The following MTR variants were observed in gnomAD, a reference collection of about 807,000 sequenced individuals.
MTR encodes methionine synthase.
In MTR, 84 loss-of-function variants were observed where a neutral mutation model predicts 154.8. That is an observed-to-expected ratio of 0.54 (90% confidence interval 0.45 to 0.65). The LOEUF is 0.65. Among genes scored for constraint, MTR ranks in the 30% least tolerant of loss-of-function variants. The pLI, the probability that MTR is intolerant of heterozygous loss-of-function variation, is 0.00. For synonymous variants in MTR, 554 were observed against 553.9 expected (o/e 1.00, Z 0.00); for missense variants, 1,275 against 1,570.2 (o/e 0.81, Z 3.18).
chr1:236,795,379 G>C lies in MTR; in HGVS notation c.-325G>C, dbSNP rs762702665. ...GTCCTCCTCTGCCGGTTTTCTCTTGGGTCCTTTTCCGTGCCGTCCCGCGAC... is the reference window on the plus strand; with the variant it reads ...GTCCTCCTCTGCCGGTTTTCTCTTGCGTCCTTTTCCGTGCCGTCCCGCGAC... On this transcript the variant is annotated 5_prime_UTR_variant, in exon 1 of 33. Coordinates refer to ENST00000366577, the MANE Select transcript of MTR (RefSeq NM_000254.3). 24 of 1,395,772 alleles carry C rather than the reference G, an allele frequency of 1.7e-5. No homozygotes were observed. In the South Asian group the frequency reaches 2.8e-4, roughly 16 times the overall value. 86.5% of individuals were successfully genotyped at this position (1,395,772 alleles called of 1,614,324 possible). A position where few individuals can be genotyped will look rare whatever the true frequency, so the allele number is the denominator to read the frequency against.
At chr1:236,886,261 G>C (rs910679780) in intron 26 of MTR, 31 bp from the exon 27 acceptor site, 3 of 1,586,738 alleles carry the variant, frequency 1.9e-6, no homozygotes, top group African/African-American at 2.7e-5. Context: ...AGCTAAGAGT[G>C]TCTAACTAAT....
In MTR at chr1:236,836,984, C is replaced by T. The variant is rs546759542; in HGVS notation, c.1329+1297C>T. On this transcript the variant is annotated intron_variant, in intron 14 of 32. Coordinates refer to ENST00000366577, the MANE Select transcript of MTR (RefSeq NM_000254.3). ...AAGTGCTTTATCAACTGTGAAGGAC[C>T]CCATGTAACTCAATACATTATTAGT... 3.9e-5 allele frequency among the ~76,000 whole-genome samples: 6 copies of T among 152,216 alleles called. No homozygotes were observed. In the South Asian group the frequency reaches 1.0e-3, roughly 26 times the overall value.
chr1:236,850,297 T>C (rs746217327), intron 15 of MTR, 47 bp from the exon 16 acceptor site: 17 of 1,320,866 alleles, frequency 1.3e-5, no homozygotes, highest in Admixed American at 2.0e-5. Flanking sequence ...AATATTTTAA[T>C]AGATAATTTT....
chr1:236,861,097 CTTTTTTTTT>C lies in MTR; in HGVS notation c.2044-20_2044-12del, dbSNP rs397974349. On this transcript the variant is annotated intron_variant, in intron 19 of 32. Coordinates refer to ENST00000366577, the MANE Select transcript of MTR (RefSeq NM_000254.3). ...ATTTTTTTTTTCTTTCTTTCTTTTT[CTTTTTTTTT>C]TTTTTTTGTCTTTTTTAGGGCATTG... is the stretch of plus-strand genomic sequence containing the variant. 30 of 1,159,708 alleles carry C rather than the reference CTTTTTTTTT, an allele frequency of 2.6e-5. No homozygotes were observed. The African/African-American group carries it at 4.9e-4, about 19-fold the overall frequency. 71.8% of individuals were successfully genotyped at this position (1,159,708 alleles called of 1,614,324 possible).
chr1:236,880,916 T>C, intron 25 of MTR, 80 bp downstream of exon 25: 2 of 1,337,106 alleles, frequency 1.5e-6, no homozygotes, highest in Admixed American at 3.5e-5. Context: ...TAAGATCTAT[T>C]CATTTTTATT....
At chr1:236,880,979 T>A in intron 25 of MTR, 143 bp downstream of exon 25, 3 of 823,410 alleles carry the variant, frequency 3.6e-6, no homozygotes, top group Non-Finnish European at 6.2e-6. Flanking sequence ...GGTGTGCCTC[T>A]GCAGTGACTG....
intron 24 of MTR, among the ~76,000 whole-genome samples, chr1:236,880,372 CT>C (rs1325342710): frequency 1.3e-5 from 2 of 152,108 alleles, no homozygotes; most frequent in African/African-American, 4.8e-5. Context: ...GCCCTGGCTG[CT>C]GTCCCAGCTC....
intron 25 of MTR, among the ~76,000 whole-genome samples, chr1:236,884,384 A>G (rs1665907181): frequency 2.0e-5 from 3 of 152,206 alleles, no homozygotes; most frequent in Admixed American, 6.5e-5. Context: ...GAGTTTCTTA[A>G]CCCAGAGGGT....
chr1:236,813,108 G>A (rs1444463846), intron 6 of MTR, among the ~76,000 whole-genome samples: 2 of 152,094 alleles, frequency 1.3e-5, no homozygotes, highest in East Asian at 1.9e-4. Context: ...ATATCCTGAG[G>A]TAATACATGC....
Position 236,897,589 on chromosome 1 carries a change from C to A in MTR, c.3743C>A (p.Ser1248Tyr), listed in dbSNP as rs1666735696. Reference sequence around the variant, plus strand: ...GATTATGCATTGAGGAAGAACATATCTGTGGCTGAGGTTGAGAAATGGCTT... The same window carrying A: ...GATTATGCATTGAGGAAGAACATATATGTGGCTGAGGTTGAGAAATGGCTT... ...VEDYALRKNI[S>Y]VAEVEKWLGP... The change falls in exon 33 of 33, where the codon TCT (serine) becomes TAT (tyrosine). Residue 1248 changes from serine to tyrosine, a missense_variant. Physicochemically the swap from Ser to Tyr is moderately radical, Grantham distance 144 (BLOSUM62 -2). Transcript: ENST00000366577. 6.2e-7 allele frequency: 1 copy of A among 1,613,278 alleles called. No homozygotes were observed. The highest frequency in any genetic ancestry group is 8.5e-7 in the Non-Finnish European group (1 of 1,179,908).
chr1:236,796,602 G>A (rs1052684760), intron 1 of MTR, among the ~76,000 whole-genome samples: 1 of 151,176 alleles, frequency 6.6e-6, no homozygotes, highest in African/African-American at 2.5e-5. Context: ...GTTAACCGGT[G>A]ACTCTCTTGA....
intron 19 of MTR, among the ~76,000 whole-genome samples, chr1:236,860,153 A>G (rs1423018278): frequency 3.0e-5 from 4 of 134,540 alleles, no homozygotes; most frequent in Non-Finnish European, 4.6e-5. Flanking sequence ...CCTGGGAGGT[A>G]TTACTGGCAT....
intron 24 of MTR, among the ~76,000 whole-genome samples, chr1:236,879,989 T>TG (rs1558333919): frequency 6.9e-6 from 1 of 144,986 alleles, no homozygotes; most frequent in Non-Finnish European, 1.5e-5. Context: ...CCATCTCTAC[T>TG]AAAAAAAAAA....
At chr1:236,811,534 A>G in intron 5 of MTR, 1 of 452,574 alleles carries the variant, frequency 2.2e-6, no homozygotes, top group South Asian at 1.6e-5. Flanking sequence ...TCAAGCAAAT[A>G]TGGTTTGTAG....
At chr1:236,799,803 T>A (rs1369256614) in intron 1 of MTR, among the ~76,000 whole-genome samples, 1 of 151,972 alleles carries the variant, frequency 6.6e-6, no homozygotes, top group Non-Finnish European at 1.5e-5. Flanking sequence ...TTTTTTTTTT[T>A]AAATTAAGAG....
At chr1:236,863,689 C>A in intron 22 of MTR, 135 bp downstream of exon 22, 2 of 812,646 alleles carry the variant, frequency 2.5e-6, no homozygotes, top group Non-Finnish European at 4.1e-6. Flanking sequence ...TTTCTTTTTG[C>A]TTGCTGTGTT....
At chr1:236,885,321 G>A (rs1225720033) in intron 26 of MTR, 102 bp downstream of exon 26, 2 of 769,408 alleles carry the variant, frequency 2.6e-6, no homozygotes, top group Admixed American at 4.0e-5. Flanking sequence ...GAGTGTAAAA[G>A]GCTTTGGATC....
intron 15 of MTR, among the ~76,000 whole-genome samples, chr1:236,844,627 G>T (rs1663465329): frequency 6.6e-6 from 1 of 152,118 alleles, no homozygotes; most frequent in Non-Finnish European, 1.5e-5. Flanking sequence ...GAGAGAGATG[G>T]CAGTCACTGT....
At chr1:236,859,598 G>A (rs1345848342) in intron 18 of MTR, among the ~76,000 whole-genome samples, 1 of 152,048 alleles carries the variant, frequency 6.6e-6, no homozygotes, top group African/African-American at 2.4e-5. Flanking sequence ...AGGAAAGAAT[G>A]GAATTTTACT....
Sources: allele counts gnomAD v4.1 joint callset (sites outside exome capture counted in the v4.1 genomes callset), GRCh38; gene constraint gnomAD v4.1.1; transcripts MANE v1.5; gene names NCBI Gene and HGNC (gene_info 2026-07-23, HGNC 2026-07-21).